Variants in RAMP1 observed in about 807,000 individuals in gnomAD.
RAMP1 encodes receptor activity modifying protein 1, also known as receptor activity-modifying protein 1.
In RAMP1, 7 loss-of-function variants were observed where a neutral mutation model predicts 8.2. That is an observed-to-expected ratio of 0.85 (90% CI 0.49 to 1.60). The LOEUF (loss-of-function observed/expected upper bound fraction) is 1.60, where lower values mean the gene tolerates loss of function less well. RAMP1 is among the 40% of genes most tolerant of loss of function. The probability of loss-of-function intolerance (pLI) is 0.00; values close to 1 mark genes in which losing one functional copy is unlikely to be tolerated. For missense variants in RAMP1, 192 were observed against 202.4 expected (o/e 0.95, Z 0.31); for synonymous variants, 92 against 84.7 (o/e 1.09, Z -0.47).
At chr2:237,896,617 G>A (rs2062545272) in intron 2 of RAMP1, among the ~76,000 whole-genome samples, 1 of 152,242 alleles carries the variant, frequency 6.6e-6, no homozygotes, top group Non-Finnish European at 1.5e-5. Flanking sequence ...CACTCACGCG[G>A]GGAAACAGGT....
chr2:237,890,265 G>A (rs560352947), intron 2 of RAMP1, among the ~76,000 whole-genome samples: 1 of 151,398 alleles, frequency 6.6e-6, no homozygotes, highest in East Asian at 2.0e-4. Context: ...CCAGTGGTGT[G>A]ATCTTGGCTC....
At chr2:237,900,824 C>T (rs979559686) in intron 2 of RAMP1, among the ~76,000 whole-genome samples, 1 of 152,046 alleles carries the variant, frequency 6.6e-6, no homozygotes, top group South Asian at 2.1e-4. Context: ...AGAATATTGA[C>T]TTATGATTTA....
Position 237,866,763 on chromosome 2 carries a change from C to T in RAMP1, c.52+7036C>T, listed in dbSNP as rs139227310. ...TCTTTTTTTGAGACTGAGTCTCCCT[C>T]TTTTGCCCAGGCTGTAGTACAGTGG... On this transcript the variant is annotated intron_variant, in intron 1 of 2. Coordinates refer to ENST00000254661, the MANE Select transcript of RAMP1 (RefSeq NM_005855.4). 1.8e-3 allele frequency among the ~76,000 whole-genome samples: 271 copies of T among 150,998 alleles called. 1 individual carries two copies. Among genetic ancestry groups the T allele is most frequent in the African/African-American group, 4.3e-3 (177 of 41,066 alleles).
intron 2 of RAMP1, among the ~76,000 whole-genome samples, chr2:237,911,080 A>G (rs1017727541): frequency 3.3e-5 from 5 of 152,082 alleles, no homozygotes; most frequent in Admixed American, 3.3e-4. Flanking sequence ...ACAGAATAAC[A>G]GTTACACATA....
rs983536361 is a variant in RAMP1, at chr2:237,862,937, G to A, written c.52+3210G>A. 6.6e-6 allele frequency among the ~76,000 whole-genome samples: 1 copy of A among 152,208 alleles called. No homozygotes were observed. Among genetic ancestry groups the A allele is most frequent in the South Asian group, 2.1e-4 (1 of 4,826 alleles). ...CCCTGTGAGCCATGGGGGAGTACCT[G>A]TCCATGACATAGAGCACTCCTGAAG... is the stretch of plus-strand genomic sequence containing the variant. On this transcript the variant is annotated intron_variant, in intron 1 of 2. Transcript: ENST00000254661. This position sits in a 1 kb window ranked among gnomAD's most constrained non-coding sequence, Gnocchi z 4.0.
At chr2:237,906,332 G>A (rs978785217) in intron 2 of RAMP1, among the ~76,000 whole-genome samples, 1 of 152,104 alleles carries the variant, frequency 6.6e-6, no homozygotes, top group Non-Finnish European at 1.5e-5. Flanking sequence ...ATGGGCTAAG[G>A]GAGGCCCTGC....
At chr2:237,906,856 G>A (rs1011607385) in intron 2 of RAMP1, among the ~76,000 whole-genome samples, 1 of 151,412 alleles carries the variant, frequency 6.6e-6, no homozygotes, top group Non-Finnish European at 1.5e-5. Flanking sequence ...CCGAGTAGCT[G>A]GGATTACAGG....
In RAMP1 at chr2:237,912,050, T is replaced by C; in HGVS notation, c.*267T>C. 1.9e-6 allele frequency: 1 copy of C among 532,132 alleles called. No homozygotes were observed. The highest frequency in any genetic ancestry group is 3.3e-6 in the Non-Finnish European group (1 of 300,090). 33.0% of individuals were successfully genotyped at this position (532,132 alleles called of 1,614,324 possible). ...GGAAAGGGTCCCAGCCTAGACTGCT[T>C]ACCCCATAGCCACATTTGTGGATGA... On this transcript the variant is annotated 3_prime_UTR_variant, in exon 3 of 3. Transcript: ENST00000254661.
At chr2:237,866,988 C>T (rs1054817271) in intron 1 of RAMP1, among the ~76,000 whole-genome samples, 1 of 152,158 alleles carries the variant, frequency 6.6e-6, no homozygotes, top group African/African-American at 2.4e-5. Flanking sequence ...CTTGGCTTCC[C>T]GAAGTGCTGG....
chr2:237,910,525 T>C (rs2062700609), intron 2 of RAMP1, among the ~76,000 whole-genome samples: 1 of 136,740 alleles, frequency 7.3e-6, no homozygotes, highest in East Asian at 2.3e-4. Context: ...ATATACATAG[T>C]CACACACACA....
In RAMP1 at chr2:237,868,899, G is replaced by A. The variant is rs565795629; in HGVS notation, c.53-8325G>A. Among the ~76,000 whole-genome samples, 35 of 152,284 alleles carry A rather than the reference G, an allele frequency of 2.3e-4. 1 individual carries two copies. The highest frequency in any genetic ancestry group is 3.4e-3 in the Middle Eastern group (1 of 294). On this transcript the variant is annotated intron_variant, in intron 1 of 2. Transcript: ENST00000254661. ...TCATTGCTAGTTTTATTGCACTGTG[G>A]TCGGGGGCAGAGCGGGAACCACAAC...
chr2:237,885,540 C>G (rs2062419343), intron 2 of RAMP1, among the ~76,000 whole-genome samples: 1 of 152,234 alleles, frequency 6.6e-6, no homozygotes, highest in South Asian at 2.1e-4. Flanking sequence ...GCTGTCATCC[C>G]TGTGTGTGCT....
intron 1 of RAMP1, among the ~76,000 whole-genome samples, chr2:237,869,014 G>A (rs182706815): frequency 2.6e-5 from 4 of 152,202 alleles, no homozygotes; most frequent in East Asian, 1.9e-4. Context: ...GGAGTGTGGC[G>A]TTTTTATGTA....
At chr2:237,867,063 A>G (rs1044265700) in intron 1 of RAMP1, among the ~76,000 whole-genome samples, 4 of 152,138 alleles carry the variant, frequency 2.6e-5, no homozygotes, top group Non-Finnish European at 4.4e-5. Context: ...AAGCTAGAGA[A>G]AAGAAAGTGT....
chr2:237,871,408 G>A (rs983874297), intron 1 of RAMP1, among the ~76,000 whole-genome samples: 2 of 152,194 alleles, frequency 1.3e-5, no homozygotes, highest in Admixed American at 1.3e-4. Context: ...GACACCTCAC[G>A]CAGGCACTCG....
chr2:237,906,411 T>TAG (rs992008851), intron 2 of RAMP1, among the ~76,000 whole-genome samples: 3 of 151,786 alleles, frequency 2.0e-5, no homozygotes, highest in Admixed American at 1.3e-4. Context: ...GGGGCGGGGG[T>TAG]AGAGGGGTGC....
chr2:237,911,920 G>A lies in RAMP1; in HGVS notation c.*137G>A, dbSNP rs964466636. The stretch of plus-strand genomic sequence containing the variant: ...TTCTTCCAGCCAAGAAGAGCTCACA[G>A]GAGTCCAGAGTAGCCGAGGCTCTGG... On this transcript the variant is annotated 3_prime_UTR_variant, in exon 3 of 3. Transcript: ENST00000254661. The A allele has an allele frequency of 7.4e-7, 1 of 1,346,934 alleles. No homozygotes were observed. Among genetic ancestry groups the A allele is most frequent in the African/African-American group, 1.5e-5 (1 of 67,938 alleles). The allele number at this position is 1,346,934 out of a possible 1,614,324, so 83.4% of individuals were successfully genotyped here.
At chr2:237,867,474 T>A (rs2062199871) in intron 1 of RAMP1, among the ~76,000 whole-genome samples, 1 of 151,242 alleles carries the variant, frequency 6.6e-6, no homozygotes, top group African/African-American at 2.4e-5. Flanking sequence ...TGCTTTTTTA[T>A]TGTATTTTTG....
In RAMP1 at chr2:237,878,707, C is replaced by A. The variant is rs1326247457; in HGVS notation, c.191+1345C>A. On this transcript the variant is annotated intron_variant, in intron 2 of 2. Coordinates refer to ENST00000254661, the MANE Select transcript of RAMP1 (RefSeq NM_005855.4). The surrounding 1 kb of genome is among the most constrained non-coding windows in gnomAD (Gnocchi z 5.7). The stretch of plus-strand genomic sequence containing the variant: ...CAGGGAACTCCCTCAGGCCCAGAGT[C>A]CGTGCTCAGTGCACTGTTGTTGAGG... Among the ~76,000 whole-genome samples, 1 of 152,266 alleles carries A rather than the reference C, an allele frequency of 6.6e-6. No homozygotes were observed. Among genetic ancestry groups the A allele is most frequent in the Non-Finnish European group, 1.5e-5 (1 of 68,044 alleles).
Sources: allele counts gnomAD v4.1 joint callset (sites outside exome capture counted in the v4.1 genomes callset), GRCh38; gene constraint gnomAD v4.1.1; non-coding constraint Gnocchi (gnomAD v3.1); transcripts MANE v1.5; gene names NCBI Gene and HGNC (gene_info 2026-07-23, HGNC 2026-07-21).